TBC1D5: variants seen among roughly 807,000 people sequenced by gnomAD.
TBC1D5 encodes the protein TBC1 domain family, member 5.
A neutral mutation model predicts 100.3 loss-of-function variants in TBC1D5; 75 were observed. That is an observed-to-expected ratio of 0.75 (90% confidence interval 0.62 to 0.91). TBC1D5 has a LOEUF of 0.91. TBC1D5 is among the 40% of genes least tolerant of loss of function. The pLI, the probability that TBC1D5 is intolerant of heterozygous loss-of-function variation, is 0.00. For synonymous variants in TBC1D5, 323 were observed against 325.6 expected, an observed-to-expected ratio of 0.99 and a Z score of 0.09; for missense variants, 910 against 942.4, an observed-to-expected ratio of 0.97 and a Z score of 0.45.
chr3:17,302,709 T>C (rs1291234679), intron 14 of TBC1D5, among the ~76,000 whole-genome samples: 1 of 152,136 alleles, frequency 6.6e-6, no homozygotes, highest in Non-Finnish European at 1.5e-5. Flanking sequence ...CTAGAAGACA[T>C]GCACCCCAAG....
At chr3:17,349,654 A>C (rs1487102042) in intron 13 of TBC1D5, among the ~76,000 whole-genome samples, 6 of 152,218 alleles carry the variant, frequency 3.9e-5, no homozygotes, top group African/African-American at 1.4e-4. Flanking sequence ...GCAGGAAGAT[A>C]ATCAGCAGAG....
intron 19 of TBC1D5, among the ~76,000 whole-genome samples, chr3:17,171,858 A>G (rs981783074): frequency 6.6e-6 from 1 of 152,194 alleles, no homozygotes; most frequent in African/African-American, 2.4e-5. Flanking sequence ...TCAATAAAAG[A>G]CAATGCAACC....
chr3:17,646,632 C>A (rs2065043113), intron 1 of TBC1D5, among the ~76,000 whole-genome samples: 1 of 152,164 alleles, frequency 6.6e-6, no homozygotes, highest in South Asian at 2.1e-4. Context: ...TGCCCCTGGA[C>A]TAATGTTCAC....
intron 19 of TBC1D5, among the ~76,000 whole-genome samples, chr3:17,179,593 C>T (rs1009423982): frequency 2.0e-5 from 3 of 152,166 alleles, no homozygotes; most frequent in Non-Finnish European, 4.4e-5. Flanking sequence ...TCTGGACTCT[C>T]GTTGCCAGCT....
rs566222398 is a variant in TBC1D5 at position 17,201,191 on chromosome 3, CTTTAA to C, written c.1752+13011_1752+13015del. Among the ~76,000 whole-genome samples, 865 of 152,134 alleles carry C rather than the reference CTTTAA, an allele frequency of 5.7e-3. 3 individuals are homozygous for C. Among genetic ancestry groups the C allele is most frequent in the Non-Finnish European group, 0.01 (686 of 68,010 alleles). On this transcript the variant is annotated intron_variant, in intron 18 of 21. Transcript: ENST00000253692. The stretch of plus-strand genomic sequence containing the variant: ...GGGCCTTCAAGAACTTAAAGCATGC[CTTTAA>C]TTTAATTTACTCCCCAACTTCACCC...
chr3:17,529,979 C>T (rs931191200), intron 2 of TBC1D5, among the ~76,000 whole-genome samples: 3 of 152,138 alleles, frequency 2.0e-5, no homozygotes, highest in Admixed American at 2.0e-4. Context: ...CACGGTGCCT[C>T]ACACCTGTAA....
At chr3:17,389,918 AT>A (rs1197760475) in intron 8 of TBC1D5, among the ~76,000 whole-genome samples, 1 of 151,964 alleles carries the variant, frequency 6.6e-6, no homozygotes, top group African/African-American at 2.4e-5. Context: ...ATTCTATAAT[AT>A]TTTTTCTTCC....
At chr3:17,584,373 A>G (rs2096719500) in intron 2 of TBC1D5, among the ~76,000 whole-genome samples, 1 of 152,230 alleles carries the variant, frequency 6.6e-6, no homozygotes, top group African/African-American at 2.4e-5. Flanking sequence ...TTATCTTAAC[A>G]TAAAAGATAT....
chr3:17,269,615 G>A (rs2079181713), intron 15 of TBC1D5, among the ~76,000 whole-genome samples: 1 of 152,032 alleles, frequency 6.6e-6, no homozygotes, highest in South Asian at 2.1e-4. Flanking sequence ...GTACCCAATA[G>A]GAAGTTTTAT....
At chr3:17,731,359 G>A (rs1020943210) in intron 1 of TBC1D5, among the ~76,000 whole-genome samples, 5 of 151,894 alleles carry the variant, frequency 3.3e-5, no homozygotes, top group Admixed American at 6.6e-5. Flanking sequence ...AAATTTGCTG[G>A]GCATGGTGGC....
chr3:17,164,014 A>G (rs1283378169), intron 21 of TBC1D5, among the ~76,000 whole-genome samples: 2 of 152,218 alleles, frequency 1.3e-5, no homozygotes, highest in East Asian at 3.8e-4. Flanking sequence ...GAGTTAGTTC[A>G]TCAAATACTT....
At chr3:17,363,544 C>CT (rs1251267558) in intron 13 of TBC1D5, among the ~76,000 whole-genome samples, 2 of 150,824 alleles carry the variant, frequency 1.3e-5, no homozygotes, top group Non-Finnish European at 3.0e-5. Flanking sequence ...CTAATTTTTT[C>CT]TTTTTTTTCT....
intron 2 of TBC1D5, among the ~76,000 whole-genome samples, chr3:17,510,500 T>C (rs1016873070): frequency 2.0e-5 from 3 of 152,022 alleles, no homozygotes; most frequent in African/African-American, 4.8e-5. Flanking sequence ...ACCTAGACGG[T>C]TGTCAGTTAT....
At chr3:17,651,528 G>C (rs1236951303) in intron 1 of TBC1D5, among the ~76,000 whole-genome samples, 1 of 152,090 alleles carries the variant, frequency 6.6e-6, no homozygotes, top group East Asian at 1.9e-4. Context: ...GGCCAACATG[G>C]TGAAACACCG....
intron 2 of TBC1D5, among the ~76,000 whole-genome samples, chr3:17,551,781 A>G (rs1299988260): frequency 6.6e-6 from 1 of 152,156 alleles, no homozygotes; most frequent in African/African-American, 2.4e-5. Context: ...TTTATTAAAC[A>G]TTTAATCTTT....
At chr3:17,654,505 G>T (rs1401290175) in intron 1 of TBC1D5, among the ~76,000 whole-genome samples, 1 of 152,176 alleles carries the variant, frequency 6.6e-6, no homozygotes, top group Non-Finnish European at 1.5e-5. Flanking sequence ...ACCCAGGGAT[G>T]AAGCCCACTT....
intron 1 of TBC1D5, among the ~76,000 whole-genome samples, chr3:17,691,917 A>C (rs570331895): frequency 5.1e-4 from 77 of 152,014 alleles, no homozygotes; most frequent in Non-Finnish European, 6.2e-4. Flanking sequence ...ACCGAAGTAG[A>C]AACAAAAAAA....
intron 1 of TBC1D5, among the ~76,000 whole-genome samples, chr3:17,727,130 C>A (rs1295968551): frequency 6.6e-6 from 1 of 152,168 alleles, no homozygotes; most frequent in East Asian, 1.9e-4. Context: ...TGCCTGTAAT[C>A]CTAGCACTTT....
At chr3:17,700,909 G>A (rs950308680) in intron 1 of TBC1D5, among the ~76,000 whole-genome samples, 1 of 152,120 alleles carries the variant, frequency 6.6e-6, no homozygotes, top group African/African-American at 2.4e-5. Flanking sequence ...AACCATTGTG[G>A]AAGACAGTGT....
Sources: gnomAD v4.1 joint callset for allele counts (sites outside exome capture counted in the v4.1 genomes callset) on GRCh38, gnomAD v4.1.1 for gene constraint, MANE v1.5 for transcripts, NCBI Gene and HGNC (gene_info 2026-07-23, HGNC 2026-07-21) for gene names.